CPQ: variants seen among roughly 807,000 people sequenced by gnomAD.
CPQ encodes Ser-Met dipeptidase.
A neutral mutation model predicts 45.7 loss-of-function variants in CPQ; 37 were observed. The observed-to-expected ratio is 0.81, with a 90% CI of 0.62 to 1.07. CPQ has a LOEUF of 1.07. Ranked by LOEUF, CPQ falls within the 50% of genes least tolerant of loss-of-function variation. The pLI is 0.00. For synonymous variants in CPQ, 186 were observed against 205.8 expected, an observed-to-expected ratio of 0.90 and a Z score of 0.82; for missense variants, 537 against 572.9, an observed-to-expected ratio of 0.94 and a Z score of 0.64.
chr8:96,708,146 TTCTATAGTTCCA>T (rs759109767), intron 1 of CPQ, among the ~76,000 whole-genome samples: 1 of 152,110 alleles, frequency 6.6e-6, no homozygotes, highest in African/African-American at 2.4e-5. Context: ...TGTCCCCTTC[TTCTATAGTTCCA>T]TCTTCCTTTG....
At chr8:97,023,166 C>T (rs549791550) in intron 5 of CPQ, among the ~76,000 whole-genome samples, 1 of 150,908 alleles carries the variant, frequency 6.6e-6, no homozygotes, top group South Asian at 2.1e-4. Flanking sequence ...GAATTAATGG[C>T]ATTCGCAGTG....
At chr8:97,039,557 T>C (rs1050127533) in intron 6 of CPQ, among the ~76,000 whole-genome samples, 1 of 151,988 alleles carries the variant, frequency 6.6e-6, no homozygotes, top group Non-Finnish European at 1.5e-5. Context: ...TATGTACACA[T>C]GTGCCATGCT....
At chr8:96,649,266 T>G (rs1815551888) in intron 1 of CPQ, among the ~76,000 whole-genome samples, 1 of 152,272 alleles carries the variant, frequency 6.6e-6, no homozygotes, top group African/African-American at 2.4e-5. Flanking sequence ...CATGAGCCAC[T>G]GTGCCTGGCT....
At position 96,730,104 on chromosome 8, in the gene CPQ, T is replaced by C. The variant is rs1457076206; in HGVS notation, c.-34-54760T>C. 3.7e-4 allele frequency among the ~76,000 whole-genome samples: 57 copies of C among 152,176 alleles called. 1 individual carries two copies. Among genetic ancestry groups the C allele is most frequent in the Admixed American group, 3.7e-3 (57 of 15,274 alleles). On this transcript the variant is annotated intron_variant, in intron 1 of 7. Coordinates refer to ENST00000220763, the MANE Select transcript of CPQ (RefSeq NM_016134.4). ...AATGTTCCATATTTTTGTGTCTTGC[T>C]TCCCAGCAGGGCTGACAGACACAAA... is the stretch of plus-strand genomic sequence containing the variant.
intron 1 of CPQ, among the ~76,000 whole-genome samples, chr8:96,771,097 A>G (rs144055038): frequency 0.012 from 1,726 of 145,802 alleles, 43 homozygotes; most frequent in African/African-American, 0.039. Context: ...TATATTATAT[A>G]TATATAAATA....
At chr8:96,978,059 ACTC>A (rs770042032) in intron 5 of CPQ, among the ~76,000 whole-genome samples, 8 of 151,650 alleles carry the variant, frequency 5.3e-5, no homozygotes, top group South Asian at 2.1e-4. Flanking sequence ...GGCATCTGTG[ACTC>A]CTCCTCTTTT....
At chr8:97,084,812 CTGTGTG>C (rs140213784) in intron 7 of CPQ, among the ~76,000 whole-genome samples, 86 of 150,546 alleles carry the variant, frequency 5.7e-4, no homozygotes, top group Non-Finnish European at 2.1e-4. Flanking sequence ...TGTGTATACT[CTGTGTG>C]TGTGTGTGTG....
intron 1 of CPQ, among the ~76,000 whole-genome samples, chr8:96,722,348 A>G (rs1286031255): frequency 1.3e-5 from 2 of 152,170 alleles, no homozygotes; most frequent in Non-Finnish European, 1.5e-5. Flanking sequence ...TTGGCAAACT[A>G]TGGCCCTGGG....
In CPQ at chr8:96,737,309, G is replaced by GATAT. The variant is rs71267276; in HGVS notation, c.-34-47539_-34-47536dup. On this transcript the variant is annotated intron_variant, in intron 1 of 7. Transcript: ENST00000220763. ...ATATATACACATACAAAACTAATAG[G>GATAT]ATATATATATATATATATACACACA... Among the ~76,000 whole-genome samples the GATAT allele has an allele frequency of 2.5e-4, 30 of 119,308 alleles. 1 individual carries two copies. Among genetic ancestry groups the GATAT allele is most frequent in the South Asian group, 1.1e-3 (4 of 3,702 alleles). The allele number at this position is 119,308 out of a possible 152,430, so 78.3% of individuals were successfully genotyped here. A position where few individuals can be genotyped will look rare whatever the true frequency, so the allele number is the denominator to read the frequency against.
At chr8:96,792,619 G>A (rs1810863927) in intron 2 of CPQ, among the ~76,000 whole-genome samples, 1 of 152,088 alleles carries the variant, frequency 6.6e-6, no homozygotes. Context: ...CTGGCGGCCT[G>A]GACTGAGTCT....
At chr8:96,770,316 C>T (rs926504832) in intron 1 of CPQ, among the ~76,000 whole-genome samples, 3 of 152,292 alleles carry the variant, frequency 2.0e-5, no homozygotes, top group Admixed American at 1.3e-4. Flanking sequence ...CTGCTCCCAT[C>T]ATCTCACTAA....
intron 4 of CPQ, among the ~76,000 whole-genome samples, chr8:96,964,092 CT>C (rs34122483): frequency 7.9e-4 from 100 of 126,262 alleles, no homozygotes; most frequent in Non-Finnish European, 1.1e-3. Context: ...AGTTTTCTTT[CT>C]TTTTTTTTTT....
chr8:96,735,204 C>T (rs1351102998), intron 1 of CPQ, among the ~76,000 whole-genome samples: 1 of 152,216 alleles, frequency 6.6e-6, no homozygotes, highest in Non-Finnish European at 1.5e-5. Flanking sequence ...ATGTAAGCTT[C>T]ATACAAATAG....
At chr8:96,927,945 G>A (rs1183771183) in intron 4 of CPQ, among the ~76,000 whole-genome samples, 4 of 152,084 alleles carry the variant, frequency 2.6e-5, no homozygotes, top group African/African-American at 9.7e-5. Flanking sequence ...CCTCCACCTT[G>A]CCCTGCTTTA....
Position 97,073,896 on chromosome 8 carries a change from G to A in CPQ, c.1255+7686G>A, listed in dbSNP as rs549394465. On this transcript the variant is annotated intron_variant, in intron 7 of 7. Coordinates refer to ENST00000220763, the MANE Select transcript of CPQ (RefSeq NM_016134.4). Reference sequence around the variant, plus strand: ...ACTGACTGCTATTTGCTTGACAGCAGTGTATGACATCCTCATCAATATTGC... The same window carrying A: ...ACTGACTGCTATTTGCTTGACAGCAATGTATGACATCCTCATCAATATTGC... Among the ~76,000 whole-genome samples, 14 of 152,306 alleles carry A rather than the reference G, an allele frequency of 9.2e-5. No individual in the cohort carries two copies. In the South Asian group the frequency reaches 2.5e-3, roughly 27 times the overall value.
At chr8:96,929,578 G>A (rs1265997290) in intron 4 of CPQ, among the ~76,000 whole-genome samples, 1 of 152,080 alleles carries the variant, frequency 6.6e-6, no homozygotes, top group Non-Finnish European at 1.5e-5. Context: ...TACTCTCACG[G>A]TTTTGTTCAG....
chr8:96,672,482 A>G (rs778200504), intron 1 of CPQ, among the ~76,000 whole-genome samples: 3 of 152,188 alleles, frequency 2.0e-5, no homozygotes, highest in Non-Finnish European at 4.4e-5. Context: ...TCTATGCCAA[A>G]AAATAAAGCA....
intron 1 of CPQ, among the ~76,000 whole-genome samples, chr8:96,731,946 T>C: frequency 6.6e-6 from 1 of 152,170 alleles, no homozygotes; most frequent in African/African-American, 2.4e-5. Flanking sequence ...TGCTAAGAAG[T>C]GAAATTGATT....
At chr8:97,062,183 C>T (rs1810561990) in intron 6 of CPQ, among the ~76,000 whole-genome samples, 1 of 152,150 alleles carries the variant, frequency 6.6e-6, no homozygotes, top group Admixed American at 6.6e-5. Context: ...GTTTTCAATT[C>T]ATGCAACCAT....
Sources: gnomAD v4.1 joint callset for allele counts (sites outside exome capture counted in the v4.1 genomes callset) on GRCh38, gnomAD v4.1.1 for gene constraint, MANE v1.5 for transcripts, NCBI Gene and HGNC (gene_info 2026-07-23, HGNC 2026-07-21) for gene names.